The following PTPRM variants were observed in gnomAD, a reference collection of about 807,000 sequenced individuals.
PTPRM encodes protein tyrosine phosphatase receptor type M.
A neutral mutation model predicts 186.7 loss-of-function variants in PTPRM; 47 were observed. That is an observed-to-expected ratio of 0.25 (90% CI 0.20 to 0.32). The LOEUF is 0.32. Ranked by LOEUF, PTPRM falls within the 10% of genes least tolerant of loss-of-function variation. PTPRM has a pLI of 1.00. For synonymous variants in PTPRM, 668 were observed against 674.9 expected (o/e 0.99, Z 0.16); for missense variants, 1,494 against 1,865.0 (o/e 0.80, Z 3.66).
intron 3 of PTPRM, among the ~76,000 whole-genome samples, chr18:7,902,596 T>C (rs905333015): frequency 2.0e-5 from 3 of 152,258 alleles, no homozygotes; most frequent in Non-Finnish European, 2.9e-5. Flanking sequence ...TATCTTGTTC[T>C]ATTCTTTCAT....
At chr18:8,092,439 G>C (rs895938446) in intron 11 of PTPRM, among the ~76,000 whole-genome samples, 1 of 151,924 alleles carries the variant, frequency 6.6e-6, no homozygotes, top group African/African-American at 2.4e-5. Flanking sequence ...TTTGAGACAG[G>C]TTCTCACTCT....
At chr18:8,240,539 AAGGAAGG>A (rs2094408089) in intron 14 of PTPRM, among the ~76,000 whole-genome samples, 1 of 122,814 alleles carries the variant, frequency 8.1e-6, no homozygotes, top group East Asian at 2.6e-4. Flanking sequence ...GGAAGGAAGG[AAGGAAGG>A]AAGGAAAGAA....
At chr18:8,324,243 G>A (rs1261076185) in intron 22 of PTPRM, among the ~76,000 whole-genome samples, 2 of 152,042 alleles carry the variant, frequency 1.3e-5, no homozygotes, top group African/African-American at 4.8e-5. Context: ...ATGTTTACTA[G>A]CCTAACCCTG....
In PTPRM at chr18:8,371,058, T is replaced by C. The variant is rs202070712; in HGVS notation, c.3171+52T>C. ...CTATGGTCAGACACTAGTGGTACCATACTAGCCTCATTAACTTACCTAGGA... is the reference window on the plus strand; with the variant it reads ...CTATGGTCAGACACTAGTGGTACCACACTAGCCTCATTAACTTACCTAGGA... On this transcript the variant is annotated intron_variant, in intron 24 of 32. Transcript: ENST00000580170. 9.0e-4 allele frequency: 995 copies of C among 1,104,592 alleles called. 16 individuals are homozygous for C. In the South Asian group the frequency reaches 0.013, roughly 14 times the overall value. The allele number at this position is 1,104,592 out of a possible 1,614,324, so 68.4% of individuals were successfully genotyped here.
chr18:8,392,439 A>C (rs151324802), intron 31 of PTPRM, among the ~76,000 whole-genome samples: 1 of 152,094 alleles, frequency 6.6e-6, no homozygotes, highest in Non-Finnish European at 1.5e-5. Context: ...CCTGGCTAAC[A>C]CGGTGAAACC....
chr18:7,904,837 G>A (rs142937715), intron 3 of PTPRM, among the ~76,000 whole-genome samples: 164 of 152,226 alleles, frequency 1.1e-3, no homozygotes, highest in African/African-American at 3.6e-3. Flanking sequence ...ATGGTTCCCC[G>A]GTGAGATAGT....
chr18:7,577,040 C>T (rs1037030934), intron 1 of PTPRM, among the ~76,000 whole-genome samples: 1 of 151,806 alleles, frequency 6.6e-6, no homozygotes, highest in African/African-American at 2.4e-5. Context: ...AAAGAAGCTC[C>T]CTTGGAGAAG....
chr18:7,791,642 A>G (rs1328910993), intron 2 of PTPRM, among the ~76,000 whole-genome samples: 1 of 152,100 alleles, frequency 6.6e-6, no homozygotes, highest in Non-Finnish European at 1.5e-5. Context: ...GGATGCACAG[A>G]AGAAGAAGAA....
chr18:8,380,058 A>G (rs1449540166), intron 28 of PTPRM, among the ~76,000 whole-genome samples: 1 of 152,250 alleles, frequency 6.6e-6, no homozygotes, highest in Non-Finnish European at 1.5e-5. Flanking sequence ...ATATTTTAAA[A>G]ATTGATAAGA....
At chr18:7,627,556 G>A (rs2038090715) in intron 1 of PTPRM, among the ~76,000 whole-genome samples, 1 of 152,036 alleles carries the variant, frequency 6.6e-6, no homozygotes. Context: ...GGAGATTTGG[G>A]GACACAGAAT....
At chr18:8,121,913 T>G (rs2092188645) in intron 13 of PTPRM, 1 of 152,210 alleles carries the variant, frequency 6.6e-6, no homozygotes, top group African/African-American at 2.4e-5. Context: ...CACTGCTCAG[T>G]CTTCACCTTT....
At chr18:7,914,233 C>T (rs2050426279) in intron 4 of PTPRM, among the ~76,000 whole-genome samples, 1 of 152,112 alleles carries the variant, frequency 6.6e-6, no homozygotes, top group Non-Finnish European at 1.5e-5. Context: ...CATGTGGGAA[C>T]ACAATTTGGA....
chr18:8,204,864 CA>C (rs942669493), intron 14 of PTPRM, among the ~76,000 whole-genome samples: 4 of 151,964 alleles, frequency 2.6e-5, no homozygotes, highest in African/African-American at 9.7e-5. Flanking sequence ...TCTAGTATGT[CA>C]GGGTTTGTGA....
At chr18:8,257,920 A>G (rs183438084) in intron 19 of PTPRM, among the ~76,000 whole-genome samples, 22 of 152,346 alleles carry the variant, frequency 1.4e-4, no homozygotes, top group Admixed American at 4.6e-4. Flanking sequence ...CGACAGAAGT[A>G]TGTCCGAACA....
intron 3 of PTPRM, among the ~76,000 whole-genome samples, chr18:7,896,640 G>A (rs2049375240): frequency 6.6e-6 from 1 of 152,190 alleles, no homozygotes; most frequent in Admixed American, 6.5e-5. Flanking sequence ...AGCCTTGTGG[G>A]TTCACGAGAG....
intron 22 of PTPRM, among the ~76,000 whole-genome samples, chr18:8,333,417 G>A (rs182367326): frequency 1.6e-4 from 24 of 152,224 alleles, no homozygotes; most frequent in Non-Finnish European, 2.4e-4. Flanking sequence ...ATATTTTACC[G>A]TTTACATCTC....
intron 6 of PTPRM, among the ~76,000 whole-genome samples, chr18:7,949,687 T>G (rs1408869448): frequency 1.3e-5 from 2 of 152,192 alleles, no homozygotes. Flanking sequence ...TCACTTAAAA[T>G]GCAAATATTC....
At chr18:7,972,985 C>T (rs2054669125) in intron 7 of PTPRM, among the ~76,000 whole-genome samples, 1 of 152,026 alleles carries the variant, frequency 6.6e-6, no homozygotes, top group Non-Finnish European at 1.5e-5. Context: ...TCACATCTGC[C>T]AGTATTTTCT....
chr18:8,165,141 C>G (rs915436734), intron 14 of PTPRM, among the ~76,000 whole-genome samples: 1 of 146,242 alleles, frequency 6.8e-6, no homozygotes, highest in African/African-American at 2.6e-5. Flanking sequence ...TGCACTCCTG[C>G]GTGGTGACAG....
Sources: gnomAD v4.1 joint callset for allele counts (sites outside exome capture counted in the v4.1 genomes callset) on GRCh38, gnomAD v4.1.1 for gene constraint, MANE v1.5 for transcripts, NCBI Gene and HGNC (gene_info 2026-07-23, HGNC 2026-07-21) for gene names.